The following GPR149 variants were observed in gnomAD, a reference collection of about 807,000 sequenced individuals.
GPR149 encodes the protein probable G protein-coupled receptor 149.
Under a neutral mutation model 50.2 loss-of-function variants are expected in GPR149, and 50 were observed. That is an observed-to-expected ratio of 1.00 (90% confidence interval 0.79 to 1.26). The LOEUF (loss-of-function observed/expected upper bound fraction) is 1.26, where lower values mean the gene tolerates loss of function less well. GPR149 is among the 50% of genes most tolerant of loss of function. The pLI is 0.00. For synonymous variants in GPR149, 405 were observed against 358.2 expected, an observed-to-expected ratio of 1.13 and a Z score of -1.48; for missense variants, 983 against 895.4, an observed-to-expected ratio of 1.10 and a Z score of -1.25.
At chr3:154,382,487 A>T (rs757958500) in intron 3 of GPR149, among the ~76,000 whole-genome samples, 5 of 152,216 alleles carry the variant, frequency 3.3e-5, no homozygotes, top group Non-Finnish European at 7.3e-5. Context: ...CAATTTGCAG[A>T]AAGCTAATTC....
chr3:154,417,930 T>A (rs1034100422), intron 3 of GPR149, among the ~76,000 whole-genome samples: 3 of 152,132 alleles, frequency 2.0e-5, no homozygotes, highest in Non-Finnish European at 4.4e-5. Context: ...ACTTTGTGAT[T>A]TAGAATGTTT....
At chr3:154,413,046 G>A (rs1386301865) in intron 3 of GPR149, among the ~76,000 whole-genome samples, 1 of 151,910 alleles carries the variant, frequency 6.6e-6, no homozygotes, top group Non-Finnish European at 1.5e-5. Flanking sequence ...AAAACATAAA[G>A]TGGGGAAAAG....
chr3:154,400,793 G>C (rs113501539), intron 3 of GPR149, among the ~76,000 whole-genome samples: 1,632 of 152,324 alleles, frequency 0.011, 22 homozygotes, highest in African/African-American at 0.038. Flanking sequence ...TTAAAGCTCA[G>C]GCCTGCCTGT....
chr3:154,402,096 A>G (rs1711563235), intron 3 of GPR149, among the ~76,000 whole-genome samples: 1 of 152,220 alleles, frequency 6.6e-6, no homozygotes, highest in Non-Finnish European at 1.5e-5. Context: ...CAAATTTAAA[A>G]TAAAAATAAT....
At position 154,429,237 on chromosome 3, in the gene GPR149, C is replaced by G. The variant is rs1425681953; in HGVS notation, c.379G>C (p.Val127Leu). ...LSSNLKATLLVSYNFYTMHRG... is the reference protein window; with the variant it reads ...LSSNLKATLLLSYNFYTMHRG... The stretch of plus-strand genomic sequence containing the variant: ...TGCATCGTATAAAAGTTGTAAGAGA[C>G]TAGGAGAGTCGCCTTCAAGTTGCTA... The change falls in exon 1 of 4, where the codon GTC (valine) becomes CTC (leucine). Residue 127 changes from valine to leucine, a missense_variant. Val to Leu is a conservative substitution (Grantham distance 32). Coordinates refer to ENST00000389740, the MANE Select transcript of GPR149 (RefSeq NM_001038705.3). 1.9e-6 allele frequency: 3 copies of G among 1,614,040 alleles called. No individual in the cohort carries two copies. Among genetic ancestry groups the G allele is most frequent in the African/African-American group, 2.7e-5 (2 of 74,934 alleles).
At chr3:154,384,076 C>A (rs1004292662) in intron 3 of GPR149, among the ~76,000 whole-genome samples, 1 of 151,950 alleles carries the variant, frequency 6.6e-6, no homozygotes, top group Admixed American at 6.6e-5. Flanking sequence ...CAGCCTGAGC[C>A]AACTAAGACA....
chr3:154,357,462 C>A (rs1340397490), intron 3 of GPR149, among the ~76,000 whole-genome samples: 2 of 152,084 alleles, frequency 1.3e-5, no homozygotes, highest in South Asian at 2.1e-4. Context: ...CCAGAATCTA[C>A]AATGAACTCA....
chr3:154,345,558 C>A (rs950128192), intron 3 of GPR149, among the ~76,000 whole-genome samples: 2 of 152,030 alleles, frequency 1.3e-5, no homozygotes, highest in African/African-American at 4.8e-5. Flanking sequence ...TAATAAAGAG[C>A]AGTCTTTAAG....
At chr3:154,344,022 A>G (rs1217471431) in intron 3 of GPR149, among the ~76,000 whole-genome samples, 1 of 152,130 alleles carries the variant, frequency 6.6e-6, no homozygotes, top group Non-Finnish European at 1.5e-5. Context: ...AAATGTAGAG[A>G]ATGGCACTCA....
intron 3 of GPR149, among the ~76,000 whole-genome samples, chr3:154,344,298 T>A (rs1713873065): frequency 6.6e-6 from 1 of 152,126 alleles, no homozygotes; most frequent in South Asian, 2.1e-4. Flanking sequence ...CAAACCACAG[T>A]GTAGCCAACA....
chr3:154,357,687 T>C (rs1044054156), intron 3 of GPR149, among the ~76,000 whole-genome samples: 2 of 152,236 alleles, frequency 1.3e-5, no homozygotes, highest in Non-Finnish European at 2.9e-5. Flanking sequence ...TTTACACTGT[T>C]GGTGGGACTG....
At chr3:154,351,606 T>C (rs1025661709) in intron 3 of GPR149, among the ~76,000 whole-genome samples, 2 of 152,188 alleles carry the variant, frequency 1.3e-5, no homozygotes, top group Non-Finnish European at 2.9e-5. Flanking sequence ...TTGTTGAACC[T>C]GAGATTCTGC....
chr3:154,359,086 C>T (rs2108394069), intron 3 of GPR149, among the ~76,000 whole-genome samples: 1 of 152,138 alleles, frequency 6.6e-6, no homozygotes. Flanking sequence ...GGGTAGTATG[C>T]ATTATTTAAA....
At chr3:154,352,625 CA>C in intron 3 of GPR149, 3 of 777,902 alleles carry the variant, frequency 3.9e-6, no homozygotes, top group Non-Finnish European at 7.2e-6. Flanking sequence ...AAACTTGATG[CA>C]CCAGAAATGT....
intron 3 of GPR149, among the ~76,000 whole-genome samples, chr3:154,402,949 T>C (rs1370769177): frequency 6.6e-6 from 1 of 151,880 alleles, no homozygotes; most frequent in East Asian, 1.9e-4. Flanking sequence ...AATTTCCTAA[T>C]GGAATCTTTG....
intron 3 of GPR149, among the ~76,000 whole-genome samples, chr3:154,376,572 A>T (rs2108404089): frequency 6.6e-6 from 1 of 152,376 alleles, no homozygotes; most frequent in South Asian, 2.1e-4. Flanking sequence ...AGTTACCAAC[A>T]CCAAACAAAT....
intron 3 of GPR149, among the ~76,000 whole-genome samples, chr3:154,391,176 A>G (rs1715160447): frequency 6.6e-6 from 1 of 152,082 alleles, no homozygotes. Context: ...TAATACTGTA[A>G]TGGTAGTGGG....
chr3:154,428,021 C>T (rs1448996637), intron 1 of GPR149, among the ~76,000 whole-genome samples: 1 of 152,218 alleles, frequency 6.6e-6, no homozygotes, highest in East Asian at 1.9e-4. Context: ...CCGTGAAACC[C>T]GCATCTGATT....
At chr3:154,374,404 C>A (rs1333174981) in intron 3 of GPR149, among the ~76,000 whole-genome samples, 1 of 151,894 alleles carries the variant, frequency 6.6e-6, no homozygotes, top group Non-Finnish European at 1.5e-5. Context: ...AACTCCTGGA[C>A]TCAAGTGATC....
Sources: allele counts gnomAD v4.1 joint callset (sites outside exome capture counted in the v4.1 genomes callset), GRCh38; gene constraint gnomAD v4.1.1; transcripts MANE v1.5; gene names NCBI Gene and HGNC (gene_info 2026-07-23, HGNC 2026-07-21).